XRRA1: variants seen among roughly 807,000 people sequenced by gnomAD.
XRRA1 encodes X-ray radiation resistance-associated protein 1.
XRRA1 carries 69 observed loss-of-function variants against 80.2 expected under a neutral mutation model. That is an observed-to-expected ratio of 0.86 (90% confidence interval 0.71 to 1.05). The LOEUF (loss-of-function observed/expected upper bound fraction) is 1.05, where lower values mean the gene tolerates loss of function less well. Among genes scored for constraint, XRRA1 ranks in the 50% least tolerant of loss-of-function variants. The pLI is 0.00. For synonymous variants in XRRA1, 348 were observed against 389.9 expected, an observed-to-expected ratio of 0.89 and a Z score of 1.27; for missense variants, 967 against 976.4, an observed-to-expected ratio of 0.99 and a Z score of 0.13.
intron 1 of XRRA1, among the ~76,000 whole-genome samples, 179 bp downstream of exon 1, chr11:74,948,749 T>C (rs1176044591): frequency 2.0e-5 from 3 of 151,982 alleles, no homozygotes; most frequent in African/African-American, 7.3e-5. Context: ...TAAACGCGAG[T>C]TCTCCGTTAA....
At chr11:74,940,976 C>A in intron 2 of XRRA1, 94 bp from the exon 3 acceptor site, 1 of 899,022 alleles carries the variant, frequency 1.1e-6, no homozygotes, top group Non-Finnish European at 1.8e-6. Context: ...CCACCAGGAC[C>A]ACCACACCCG....
intron 10 of XRRA1, among the ~76,000 whole-genome samples, chr11:74,880,601 T>G (rs1004759958): frequency 6.6e-6 from 1 of 151,494 alleles, no homozygotes; most frequent in African/African-American, 2.4e-5. Flanking sequence ...GGGCATTTAG[T>G]GCTATAAATT....
At chr11:74,898,757 C>G (rs991263390) in intron 10 of XRRA1, among the ~76,000 whole-genome samples, 10 of 151,908 alleles carry the variant, frequency 6.6e-5, no homozygotes, top group African/African-American at 2.4e-4. Context: ...ACTGGAGCAC[C>G]CAGATATATA....
At position 74,859,287 on chromosome 11, in the gene XRRA1, AGAAAGAAG is replaced by A; in HGVS notation, c.1045-12_1045-5del. 1 of 1,601,820 alleles carries A rather than the reference AGAAAGAAG, an allele frequency of 6.2e-7. No individual in the cohort carries two copies. The highest frequency in any genetic ancestry group is 8.5e-7 in the Non-Finnish European group (1 of 1,175,210). ...GAAGTGAACATATCTTGGTTGTCTTAGAAAGAAGGAAAAGTCAAAATCAAAGTGCCCGA... is the reference window on the plus strand; with the variant it reads ...GAAGTGAACATATCTTGGTTGTCTTAGAAAAGTCAAAATCAAAGTGCCCGA... On this transcript the variant is annotated splice_polypyrimidine_tract_variant and splice_region_variant and intron_variant, in intron 11 of 18. Coordinates refer to ENST00000684022, the MANE Select transcript of XRRA1 (RefSeq NM_001378157.1).
intron 8 of XRRA1, among the ~76,000 whole-genome samples, chr11:74,909,228 T>C (rs2055322580): frequency 6.6e-6 from 1 of 152,146 alleles, no homozygotes; most frequent in African/African-American, 2.4e-5. Context: ...CAGAGACACT[T>C]AACAGAGAAG....
chr11:74,844,165 T>C lies in XRRA1; in HGVS notation c.2043+3A>G, dbSNP rs2037343320. The C allele has an allele frequency of 1.9e-6, 3 of 1,612,910 alleles. No homozygotes were observed. The highest frequency in any genetic ancestry group is 2.5e-6 in the Non-Finnish European group (3 of 1,178,916). Reference sequence around the variant, plus strand: ...TTACACATTCAGTGAGCTGGATGTTTACCCGTTTCTCTTTGTGAACATAGG... The same window carrying C: ...TTACACATTCAGTGAGCTGGATGTTCACCCGTTTCTCTTTGTGAACATAGG... On this transcript the variant is annotated splice_donor_region_variant and intron_variant, in intron 17 of 18. Transcript: ENST00000684022.
intron 1 of XRRA1, among the ~76,000 whole-genome samples, chr11:74,947,333 C>A (rs1428544900): frequency 6.6e-6 from 1 of 152,084 alleles, no homozygotes; most frequent in East Asian, 1.9e-4. Flanking sequence ...CAAGACTAGG[C>A]TGTCCAACAC....
At chr11:74,873,173 C>T (rs958824034) in intron 10 of XRRA1, among the ~76,000 whole-genome samples, 1 of 152,162 alleles carries the variant, frequency 6.6e-6, no homozygotes, top group Admixed American at 6.5e-5. Flanking sequence ...TAACCAGAGA[C>T]AATATCCCCT....
intron 7 of XRRA1, among the ~76,000 whole-genome samples, chr11:74,924,497 G>T (rs1264036187): frequency 6.6e-6 from 1 of 151,212 alleles, no homozygotes; most frequent in Non-Finnish European, 1.5e-5. Context: ...AAGAATAAGA[G>T]TGTGTTTCAT....
In XRRA1 at chr11:74,910,454, G is replaced by C. The variant is rs947435563; in HGVS notation, c.657-3181C>G. Among the ~76,000 whole-genome samples the C allele has an allele frequency of 5.3e-5, 8 of 152,230 alleles. 1 individual carries two copies. The highest frequency in any genetic ancestry group is 6.8e-3 in the Middle Eastern group (2 of 294). ...CCAGCTCAAAACAAGCAATAGAGTA[G>C]TCTACGTATAGAATGGGTCAAATAT... On this transcript the variant is annotated intron_variant, in intron 8 of 18. Transcript: ENST00000684022.
intron 10 of XRRA1, among the ~76,000 whole-genome samples, chr11:74,905,632 T>A (rs2054424251): frequency 6.6e-6 from 1 of 152,166 alleles, no homozygotes; most frequent in African/African-American, 2.4e-5. Flanking sequence ...TTTGCTGTAG[T>A]CTAGCAAGTC....
chr11:74,915,733 C>T (rs1235357955), intron 8 of XRRA1, among the ~76,000 whole-genome samples: 2 of 152,116 alleles, frequency 1.3e-5, no homozygotes, highest in East Asian at 3.8e-4. Context: ...TTTGTAATTG[C>T]CCATGTATTT....
chr11:74,860,526 T>G (rs1435830859), intron 11 of XRRA1, among the ~76,000 whole-genome samples: 4 of 152,198 alleles, frequency 2.6e-5, no homozygotes, highest in African/African-American at 9.6e-5. Flanking sequence ...TGCATCTGAT[T>G]TTAATAGAGT....
At chr11:74,881,396 A>T (rs1286575131) in intron 10 of XRRA1, among the ~76,000 whole-genome samples, 1 of 150,806 alleles carries the variant, frequency 6.6e-6, no homozygotes, top group Non-Finnish European at 1.5e-5. Flanking sequence ...CAGCACACTG[A>T]TGGGTCTTGA....
chr11:74,888,981 C>T (rs1239830463), intron 10 of XRRA1, among the ~76,000 whole-genome samples: 1 of 152,204 alleles, frequency 6.6e-6, no homozygotes, highest in East Asian at 1.9e-4. Context: ...AAACACTCTG[C>T]AGGATATTAT....
chr11:74,923,835 A>C (rs1192875106), intron 7 of XRRA1, among the ~76,000 whole-genome samples: 1 of 152,008 alleles, frequency 6.6e-6, no homozygotes, highest in Non-Finnish European at 1.5e-5. Flanking sequence ...AGGAGCTAAG[A>C]ATAATTTTTG....
intron 12 of XRRA1, among the ~76,000 whole-genome samples, chr11:74,852,879 C>T (rs113393961): frequency 5.1e-4 from 76 of 148,506 alleles, no homozygotes; most frequent in African/African-American, 1.8e-3. Flanking sequence ...CCTGGACACA[C>T]TGAAAGGTAT....
chr11:74,874,534 A>C (rs559760119), intron 10 of XRRA1, among the ~76,000 whole-genome samples: 10 of 152,310 alleles, frequency 6.6e-5, no homozygotes, highest in Non-Finnish European at 1.3e-4. Flanking sequence ...GCCATTGCCA[A>C]AGTGGCCCTA....
chr11:74,861,345 A>C (rs139567038), intron 11 of XRRA1, among the ~76,000 whole-genome samples: 106 of 152,342 alleles, frequency 7.0e-4, no homozygotes, highest in Non-Finnish European at 1.2e-3. Flanking sequence ...CCCGTTGCTC[A>C]AATTACTGCC....
Sources: allele counts gnomAD v4.1 joint callset (sites outside exome capture counted in the v4.1 genomes callset), GRCh38; gene constraint gnomAD v4.1.1; transcripts MANE v1.5; gene names NCBI Gene and HGNC (gene_info 2026-07-23, HGNC 2026-07-21).